Variants in PELI1 observed in about 807,000 individuals in gnomAD.
The protein encoded by PELI1 is pellino E3 ubiquitin protein ligase 1.
A neutral mutation model predicts 41.3 loss-of-function variants in PELI1; 15 were observed. That is an observed-to-expected ratio of 0.36 (90% CI 0.24 to 0.56). The LOEUF is 0.56. PELI1 is among the 20% of genes least tolerant of loss of function. The pLI, the probability that PELI1 is intolerant of heterozygous loss-of-function variation, is 0.82. For missense variants in PELI1, 403 were observed against 525.5 expected (o/e 0.77, Z 2.28); for synonymous variants, 178 against 180.1 (o/e 0.99, Z 0.09).
In PELI1 at chr2:64,109,040, T is replaced by C. The variant is rs541908304; in HGVS notation, c.-69-661A>G. ...CATAGTGAGGAGCTCCAATGCCCTA[T>C]TAGGGCAATGTAAAAGTAGGCCAAC... On this transcript the variant is annotated intron_variant, in intron 1 of 6. Coordinates refer to ENST00000358912, the MANE Select transcript of PELI1 (RefSeq NM_020651.4). Among the ~76,000 whole-genome samples the C allele has an allele frequency of 1.3e-3, 204 of 152,334 alleles. 1 individual carries two copies. The highest frequency in any genetic ancestry group is 0.01 in the Middle Eastern group (3 of 294).
chr2:64,104,640 C>T, intron 3 of PELI1, 61 bp downstream of exon 3: 1 of 1,498,042 alleles, frequency 6.7e-7, no homozygotes, highest in Non-Finnish European at 8.9e-7. Flanking sequence ...ATACAAACAA[C>T]ACATAAAAGT....
At chr2:64,126,460 C>T (rs1038697852) in intron 1 of PELI1, among the ~76,000 whole-genome samples, 5 of 152,168 alleles carry the variant, frequency 3.3e-5, no homozygotes, top group African/African-American at 9.7e-5. Flanking sequence ...CTGTGCCCAG[C>T]GGGTCTCCCT....
intron 1 of PELI1, among the ~76,000 whole-genome samples, chr2:64,113,303 A>G (rs1375364867): frequency 1.3e-5 from 1 of 74,394 alleles, no homozygotes; most frequent in African/African-American, 4.4e-5. Flanking sequence ...AAAAAAAGAA[A>G]AAAAAAAAAA....
chr2:64,104,002 T>G (rs1680533365), intron 3 of PELI1, among the ~76,000 whole-genome samples: 2 of 152,198 alleles, frequency 1.3e-5, no homozygotes, highest in Admixed American at 1.3e-4. Flanking sequence ...TGTCTGTCAC[T>G]CTAGGAAAAG....
chr2:64,125,783 C>T (rs564011363), intron 1 of PELI1, among the ~76,000 whole-genome samples: 14 of 152,262 alleles, frequency 9.2e-5, no homozygotes, highest in African/African-American at 1.2e-4. Flanking sequence ...AATCTGAATC[C>T]GCAAAATGCT....
In PELI1 at chr2:64,096,590, G is replaced by A; in HGVS notation, c.324C>T (p.Ser108=). 1 of 1,611,876 alleles carries A rather than the reference G, an allele frequency of 6.2e-7. No homozygotes were observed. The highest frequency in any genetic ancestry group is 8.5e-7 in the Non-Finnish European group (1 of 1,178,328). Residue 108 remains serine (S), a synonymous_variant, in exon 5 of 7, where the codon AGC becomes AGT. Coordinates refer to ENST00000358912, the MANE Select transcript of PELI1 (RefSeq NM_020651.4). ...TGTCAGTTACTACAAAATCAATGGG[G>A]CTTTCAGTCGACCGGCCAATCTGAG... ...DMFQIGRSTE[S]PIDFVVTDTV... is the part of the protein sequence containing the mutation.
At chr2:64,124,753 A>G (rs947331969) in intron 1 of PELI1, among the ~76,000 whole-genome samples, 1 of 151,940 alleles carries the variant, frequency 6.6e-6, no homozygotes, top group African/African-American at 2.4e-5. Flanking sequence ...TCAACCACCA[A>G]CTCTCCAATT....
chr2:64,141,146 A>C (rs1483306894), intron 1 of PELI1, among the ~76,000 whole-genome samples: 1 of 152,214 alleles, frequency 6.6e-6, no homozygotes, highest in Non-Finnish European at 1.5e-5. Context: ...TGTCCCTTAT[A>C]TATAAATGCT....
intron 2 of PELI1, among the ~76,000 whole-genome samples, chr2:64,105,826 G>A (rs1285428902): frequency 6.6e-6 from 1 of 152,078 alleles, no homozygotes; most frequent in Non-Finnish European, 1.5e-5. Context: ...CAAATCTTGG[G>A]TTTGATGATC....
At position 64,096,461 on chromosome 2, in the gene PELI1, T is replaced by A. The variant is rs1433494832; in HGVS notation, c.453A>T (p.Ala151=). ...AGTCAAATCCTGCAGCATAAATCCG[T>A]GCTGTAAAGGGAGGATTCCGTTCAC... ...IICERNPPFT[A]RIYAAGFDSS... The change falls in exon 5 of 7, where the codon GCA becomes GCT. Residue 151 remains alanine, a synonymous_variant. Coordinates refer to ENST00000358912, the MANE Select transcript of PELI1 (RefSeq NM_020651.4). 1.2e-6 allele frequency: 2 copies of A among 1,613,852 alleles called. No homozygotes were observed. Among genetic ancestry groups the A allele is most frequent in the African/African-American group, 2.7e-5 (2 of 75,036 alleles).
At chr2:64,130,529 C>A (rs1681521964) in intron 1 of PELI1, among the ~76,000 whole-genome samples, 1 of 152,100 alleles carries the variant, frequency 6.6e-6, no homozygotes, top group Admixed American at 6.5e-5. Context: ...TGGGCCTTAT[C>A]CAGTTTTATA....
intron 1 of PELI1, among the ~76,000 whole-genome samples, chr2:64,141,312 C>G (rs565908316): frequency 0.019 from 2,727 of 145,882 alleles, 90 homozygotes; most frequent in African/African-American, 0.064. Flanking sequence ...CCGCCCCCAC[C>G]CCAAAGGAGC....
intron 1 of PELI1, among the ~76,000 whole-genome samples, chr2:64,140,228 T>C (rs954284247): frequency 1.3e-5 from 2 of 152,232 alleles, no homozygotes; most frequent in Non-Finnish European, 2.9e-5. Context: ...TACATGTGTG[T>C]TGAATTAATT....
Position 64,136,759 on chromosome 2 carries a change from T to C in PELI1, c.-70+7322A>G, listed in dbSNP as rs1681729102. Among the ~76,000 whole-genome samples the C allele has an allele frequency of 2.6e-5, 4 of 152,238 alleles. No homozygotes were observed. In the South Asian group the frequency reaches 8.3e-4, roughly 32 times the overall value. On this transcript the variant is annotated intron_variant, in intron 1 of 6. Coordinates refer to ENST00000358912, the MANE Select transcript of PELI1 (RefSeq NM_020651.4). The stretch of plus-strand genomic sequence containing the variant: ...CTCTACTAAAATACAAACATTTAGC[T>C]GGGCGTAGTGGTGTGCGCCTATAAT...
At chr2:64,118,974 G>GT (rs1198407335) in intron 1 of PELI1, among the ~76,000 whole-genome samples, 33 of 146,510 alleles carry the variant, frequency 2.3e-4, no homozygotes, top group South Asian at 6.5e-4. Context: ...TCTAAAATAT[G>GT]TTTTTGTTTT....
chr2:64,139,337 G>A (rs1181121368), intron 1 of PELI1, among the ~76,000 whole-genome samples: 2 of 151,884 alleles, frequency 1.3e-5, no homozygotes, highest in African/African-American at 2.4e-5. Flanking sequence ...GCAGGGTCTC[G>A]CTCTGTTGCC....
At chr2:64,143,827 C>T (rs1682006599) in intron 1 of PELI1, among the ~76,000 whole-genome samples, 1 of 151,844 alleles carries the variant, frequency 6.6e-6, no homozygotes, top group Non-Finnish European at 1.5e-5. Context: ...AGTTGGCCGC[C>T]GCGCGCCCCG....
At chr2:64,117,637 T>C (rs867189856) in intron 1 of PELI1, among the ~76,000 whole-genome samples, 8 of 152,218 alleles carry the variant, frequency 5.3e-5, no homozygotes, top group Admixed American at 6.5e-5. Flanking sequence ...GTCTCCAATA[T>C]TGTAGTAAAG....
chr2:64,116,234 T>C (rs1680987797), intron 1 of PELI1, among the ~76,000 whole-genome samples: 2 of 152,164 alleles, frequency 1.3e-5, no homozygotes, highest in South Asian at 4.1e-4. Context: ...AGAAAATACA[T>C]TTTTAAACAC....
Sources: gnomAD v4.1 joint callset for allele counts (sites outside exome capture counted in the v4.1 genomes callset) on GRCh38, gnomAD v4.1.1 for gene constraint, MANE v1.5 for transcripts, NCBI Gene and HGNC (gene_info 2026-07-23, HGNC 2026-07-21) for gene names.